SMURF1: variants seen among roughly 807,000 people sequenced by gnomAD.
The protein encoded by SMURF1 is SMAD specific E3 ubiquitin protein ligase 1.
A neutral mutation model predicts 98.0 loss-of-function variants in SMURF1; 44 were observed. That is an observed-to-expected ratio of 0.45 (90% confidence interval 0.35 to 0.58). The LOEUF is 0.58. Ranked by LOEUF, SMURF1 falls within the 20% of genes least tolerant of loss-of-function variation. The pLI is 0.00. For missense variants in SMURF1, 687 were observed against 938.4 expected (o/e 0.73, Z 3.50); for synonymous variants, 396 against 374.9 (o/e 1.06, Z -0.65).
chr7:99,030,897 G>A (rs191735294), intron 17 of SMURF1: 168 of 443,970 alleles, frequency 3.8e-4, no homozygotes, highest in Middle Eastern at 1.9e-3. Context: ...ACAGGGTCTC[G>A]CTAGGTTGCC....
intron 1 of SMURF1, among the ~76,000 whole-genome samples, chr7:99,100,181 A>G (rs760471576): frequency 7.2e-5 from 11 of 152,216 alleles, no homozygotes; most frequent in Admixed American, 5.9e-4. Context: ...TTTTAACAAT[A>G]TAAACTAAGC....
chr7:99,101,128 A>C (rs1202506865), intron 1 of SMURF1, among the ~76,000 whole-genome samples: 1 of 152,222 alleles, frequency 6.6e-6, no homozygotes, highest in Non-Finnish European at 1.5e-5. Flanking sequence ...TTAAGTTCTG[A>C]AGAAATATGG....
At chr7:99,142,294 A>G (rs1008706519) in intron 1 of SMURF1, among the ~76,000 whole-genome samples, 1 of 152,158 alleles carries the variant, frequency 6.6e-6, no homozygotes, top group African/African-American at 2.4e-5. Flanking sequence ...GTGTGGGAGT[A>G]GGGATCAGAG....
At chr7:99,090,683 T>G (rs1796788102) in intron 1 of SMURF1, among the ~76,000 whole-genome samples, 1 of 152,188 alleles carries the variant, frequency 6.6e-6, no homozygotes. Flanking sequence ...CTTTTGGAGT[T>G]CCTGTATGTA....
At chr7:99,120,786 G>A (rs1208137184) in intron 1 of SMURF1, 1 of 149,844 alleles carries the variant, frequency 6.7e-6, no homozygotes, top group Non-Finnish European at 1.5e-5. Flanking sequence ...CCCACATGCA[G>A]AGCAGTGTAG....
intron 1 of SMURF1, among the ~76,000 whole-genome samples, chr7:99,084,391 G>T (rs1339228712): frequency 6.6e-6 from 1 of 152,114 alleles, no homozygotes; most frequent in African/African-American, 2.4e-5. Context: ...TGATCCGCCC[G>T]AGGGTTGAAC....
At chr7:99,106,643 A>G (rs1797200162) in intron 1 of SMURF1, among the ~76,000 whole-genome samples, 1 of 152,212 alleles carries the variant, frequency 6.6e-6, no homozygotes, top group Non-Finnish European at 1.5e-5. Context: ...TGCCGGGAGC[A>G]GTGGTGTATG....
At chr7:99,068,256 C>T (rs1445533797) in intron 1 of SMURF1, among the ~76,000 whole-genome samples, 1 of 152,184 alleles carries the variant, frequency 6.6e-6, no homozygotes, top group African/African-American at 2.4e-5. Context: ...CTGATGGAAG[C>T]CTCCCTGGTC....
At chr7:99,066,423 C>T (rs567835493) in intron 1 of SMURF1, among the ~76,000 whole-genome samples, 1 of 152,242 alleles carries the variant, frequency 6.6e-6, no homozygotes, top group Non-Finnish European at 1.5e-5. Context: ...AAGGCTCATT[C>T]CAGTGGAATT....
chr7:99,074,419 T>C (rs928933675), intron 1 of SMURF1, among the ~76,000 whole-genome samples: 1 of 152,048 alleles, frequency 6.6e-6, no homozygotes, highest in Non-Finnish European at 1.5e-5. Flanking sequence ...GACAATTCGA[T>C]GATGGGGGAA....
chr7:99,143,331 C>T (rs1798179952), intron 1 of SMURF1, among the ~76,000 whole-genome samples: 1 of 77,846 alleles, frequency 1.3e-5, no homozygotes. Context: ...GGGGCCGAGC[C>T]GGGGAGAGGT....
intron 3 of SMURF1, 110 bp from the exon 4 acceptor site, chr7:99,057,661 G>C (rs1795918061): frequency 7.7e-7 from 1 of 1,299,472 alleles, no homozygotes; most frequent in South Asian, 1.8e-5. Context: ...CTGGAGTGCA[G>C]TTGTGTGATC....
chr7:99,109,702 T>A (rs988399550), intron 1 of SMURF1, among the ~76,000 whole-genome samples: 36 of 152,196 alleles, frequency 2.4e-4, no homozygotes, highest in African/African-American at 7.7e-4. Flanking sequence ...CTGGAGTAGT[T>A]TGTTTTTCTG....
At chr7:99,110,715 C>T (rs1486227468) in intron 1 of SMURF1, among the ~76,000 whole-genome samples, 1 of 152,222 alleles carries the variant, frequency 6.6e-6, no homozygotes, top group Non-Finnish European at 1.5e-5. Context: ...AGCAATCTTA[C>T]TCTGGCAATG....
intron 15 of SMURF1, 33 bp downstream of exon 15, chr7:99,037,034 G>T (rs778324007): frequency 1.2e-5 from 19 of 1,612,426 alleles, no homozygotes; most frequent in Admixed American, 1.7e-5. Flanking sequence ...CCACAGGGAC[G>T]CCCTGGGTCG....
At chr7:99,053,088 C>A (rs1795801640) in intron 6 of SMURF1, among the ~76,000 whole-genome samples, 1 of 152,068 alleles carries the variant, frequency 6.6e-6, no homozygotes, top group African/African-American at 2.4e-5. Context: ...CCAAATACTC[C>A]ATTTTCCTTG....
chr7:99,058,991 C>T (rs564046453), intron 3 of SMURF1, among the ~76,000 whole-genome samples: 6 of 152,190 alleles, frequency 3.9e-5, no homozygotes, highest in East Asian at 1.9e-4. Flanking sequence ...GGCTGAAGAT[C>T]GAGAATCGCT....
chr7:99,046,261 A>G, intron 10 of SMURF1, among the ~76,000 whole-genome samples: 1 of 152,164 alleles, frequency 6.6e-6, no homozygotes, highest in Admixed American at 6.5e-5. Flanking sequence ...AAAAGGCAAA[A>G]AGATTTTAAG....
intron 3 of SMURF1, 54 bp from the exon 4 acceptor site, chr7:99,057,605 GT>G (rs548576398): frequency 0.019 from 20,585 of 1,082,726 alleles, 12 homozygotes; most frequent in South Asian, 0.032. Flanking sequence ...TTTTTGTTTT[GT>G]TTTTTTTTTT....
Sources: allele counts gnomAD v4.1 joint callset (sites outside exome capture counted in the v4.1 genomes callset), GRCh38; gene constraint gnomAD v4.1.1; transcripts MANE v1.5; gene names NCBI Gene and HGNC (gene_info 2026-07-23, HGNC 2026-07-21).